Variants in COG2 observed in about 807,000 individuals in gnomAD.
COG2 encodes component of oligomeric golgi complex 2.
A neutral mutation model predicts 90.6 loss-of-function variants in COG2; 52 were observed. The observed-to-expected ratio is 0.57, with a 90% confidence interval of 0.46 to 0.72. COG2 has a LOEUF of 0.72. COG2 is among the 30% of genes least tolerant of loss of function. The probability of loss-of-function intolerance (pLI) is 0.00; values close to 1 mark genes in which losing one functional copy is unlikely to be tolerated. For synonymous variants in COG2, 337 were observed against 320.4 expected, an observed-to-expected ratio of 1.05 and a Z score of -0.55; for missense variants, 829 against 891.2, an observed-to-expected ratio of 0.93 and a Z score of 0.89.
intron 6 of COG2, 39 bp from the exon 7 acceptor site, chr1:230,669,317 A>G (rs760240177): frequency 6.3e-7 from 1 of 1,579,402 alleles, no homozygotes; most frequent in Non-Finnish European, 8.6e-7. Context: ...AACTGTTACA[A>G]CTAGAGCTTT....
At position 230,649,570 on chromosome 1, in the gene COG2, A is replaced by T. The variant is rs1219941947; in HGVS notation, c.72+6892A>T. Among the ~76,000 whole-genome samples the T allele has an allele frequency of 2.0e-5, 3 of 152,068 alleles. No homozygotes were observed. In the East Asian group the frequency reaches 5.8e-4, roughly 29 times the overall value. On this transcript the variant is annotated intron_variant, in intron 1 of 17. Coordinates refer to ENST00000366669, the MANE Select transcript of COG2 (RefSeq NM_007357.3). ...ACCACTATTCATAATGTTTGTTTACATGTTTATTTTCTCATTTCCCCATTA... is the reference window on the plus strand; with the variant it reads ...ACCACTATTCATAATGTTTGTTTACTTGTTTATTTTCTCATTTCCCCATTA...
rs57786298 is a variant in COG2, at chr1:230,676,729, T to C, written c.1026+1605T>C. ...CTAACTGTTGATGATAATTTATTTT[T>C]TTAATAATTTCTCAGTTTGTGTTTG... On this transcript the variant is annotated intron_variant, in intron 9 of 17. Transcript: ENST00000366669. 6.3e-3 allele frequency among the ~76,000 whole-genome samples: 953 copies of C among 152,332 alleles called. 7 individuals carry two copies. Among genetic ancestry groups the C allele is most frequent in the African/African-American group, 0.021 (886 of 41,578 alleles).
At chr1:230,674,835 A>G (rs998021277) in intron 8 of COG2, among the ~76,000 whole-genome samples, 163 bp from the exon 9 acceptor site, 4 of 152,222 alleles carry the variant, frequency 2.6e-5, no homozygotes, top group Non-Finnish European at 4.4e-5. Flanking sequence ...GGAGTGAAAT[A>G]GAAACTTGAG....
intron 1 of COG2, among the ~76,000 whole-genome samples, chr1:230,657,596 A>C (rs1276449050): frequency 6.6e-6 from 1 of 152,012 alleles, no homozygotes; most frequent in African/African-American, 2.4e-5. Context: ...ATGTTTCCTG[A>C]ATTTGAATGT....
intron 1 of COG2, among the ~76,000 whole-genome samples, chr1:230,643,522 T>C (rs1372698236): frequency 6.6e-6 from 1 of 152,262 alleles, no homozygotes; most frequent in Non-Finnish European, 1.5e-5. Flanking sequence ...TTTTAGCTGG[T>C]TAGTAGACAT....
chr1:230,675,964 T>TC (rs1427848689), intron 9 of COG2, among the ~76,000 whole-genome samples: 1 of 151,914 alleles, frequency 6.6e-6, no homozygotes, highest in East Asian at 1.9e-4. Flanking sequence ...CACCCCTGCT[T>TC]CCCCCGCCCT....
chr1:230,683,409 TAAAAAAAAAA>T (rs5781595), intron 10 of COG2, 155 bp from the exon 11 acceptor site: 20 of 384,974 alleles, frequency 5.2e-5, no homozygotes, highest in Non-Finnish European at 6.4e-5. Flanking sequence ...CTTGTTCAGT[TAAAAAAAAAA>T]AAAAAAAAAA....
intron 15 of COG2, among the ~76,000 whole-genome samples, chr1:230,689,300 G>C (rs1662964668): frequency 6.6e-6 from 1 of 152,202 alleles, no homozygotes; most frequent in Non-Finnish European, 1.5e-5. Flanking sequence ...ATTATTGTCT[G>C]ATTTGAAGCT....
At chr1:230,676,148 T>C (rs1233042931) in intron 9 of COG2, among the ~76,000 whole-genome samples, 1 of 152,214 alleles carries the variant, frequency 6.6e-6, no homozygotes, top group African/African-American at 2.4e-5. Flanking sequence ...ATCTTTGTCT[T>C]TTAATTAGGT....
chr1:230,658,015 C>T (rs759339018), intron 1 of COG2, among the ~76,000 whole-genome samples: 16 of 152,062 alleles, frequency 1.1e-4, no homozygotes, highest in Non-Finnish European at 2.2e-4. Flanking sequence ...TTAGAACATG[C>T]TCGTTTAGCT....
chr1:230,690,220 C>G, intron 16 of COG2, 67 bp downstream of exon 16: 1 of 1,397,530 alleles, frequency 7.2e-7, no homozygotes, highest in Non-Finnish European at 1.0e-6. Flanking sequence ...ACCCCCAAGG[C>G]AATCAAGCAC....
intron 9 of COG2, among the ~76,000 whole-genome samples, chr1:230,677,336 T>C (rs1214613854): frequency 6.6e-6 from 1 of 152,200 alleles, no homozygotes; most frequent in Non-Finnish European, 1.5e-5. Flanking sequence ...ATTAATTTTT[T>C]AAGTGTAGAG....
intron 1 of COG2, among the ~76,000 whole-genome samples, chr1:230,655,169 T>G (rs957240817): frequency 2.6e-5 from 4 of 152,220 alleles, no homozygotes; most frequent in African/African-American, 9.6e-5. Context: ...CATCCCTGTC[T>G]TATGCCAGTT....
intron 8 of COG2, among the ~76,000 whole-genome samples, chr1:230,672,889 C>T (rs142083372): frequency 1.3e-5 from 2 of 152,176 alleles, no homozygotes; most frequent in East Asian, 1.9e-4. Context: ...GTTTAATGAT[C>T]GAAAGGCAAA....
intron 2 of COG2, among the ~76,000 whole-genome samples, chr1:230,660,079 G>T (rs1241518453): frequency 1.3e-5 from 2 of 152,190 alleles, no homozygotes; most frequent in African/African-American, 4.8e-5. Flanking sequence ...AGAATAGTTT[G>T]TCACGAGCAT....
intron 1 of COG2, among the ~76,000 whole-genome samples, chr1:230,643,718 C>G (rs542949474): frequency 1.3e-5 from 2 of 152,090 alleles, no homozygotes; most frequent in South Asian, 4.2e-4. Flanking sequence ...GTATGTAGGA[C>G]TTATCTATAC....
At chr1:230,664,138 A>AAG (rs1460567541) in intron 4 of COG2, among the ~76,000 whole-genome samples, 2 of 152,108 alleles carry the variant, frequency 1.3e-5, no homozygotes, top group Non-Finnish European at 2.9e-5. Context: ...GCAGTGAGCC[A>AAG]AGATCACAGC....
chr1:230,667,093 C>T (rs1439291385), intron 5 of COG2, among the ~76,000 whole-genome samples: 5 of 152,158 alleles, frequency 3.3e-5, no homozygotes, highest in Admixed American at 1.3e-4. Flanking sequence ...GACAACTTAA[C>T]GGTGAGACTG....
In COG2 at chr1:230,688,254, G is replaced by A. The variant is rs562732317; in HGVS notation, c.1651+111G>A. 2.5e-6 allele frequency: 3 copies of A among 1,200,482 alleles called. No homozygotes were observed. The South Asian group carries it at 4.5e-5, about 18-fold the overall frequency. The allele number at this position is 1,200,482 out of a possible 1,614,324, so 74.4% of individuals were successfully genotyped here. A position where few individuals can be genotyped will look rare whatever the true frequency, so the allele number is the denominator to read the frequency against. ...TTTCTTCTGTAGTTGTAAATCCTTG[G>A]TTGTTTCTCTATTCTGTATTATAAC... is the stretch of plus-strand genomic sequence containing the variant. On this transcript the variant is annotated intron_variant, in intron 14 of 17. Transcript: ENST00000366669.
Sources: gnomAD v4.1 joint callset for allele counts (sites outside exome capture counted in the v4.1 genomes callset) on GRCh38, gnomAD v4.1.1 for gene constraint, MANE v1.5 for transcripts, NCBI Gene and HGNC (gene_info 2026-07-23, HGNC 2026-07-21) for gene names.